The following ADAMTSL1 variants were observed in gnomAD, a reference collection of about 807,000 sequenced individuals.
ADAMTSL1 encodes the protein ADAMTS like 1.
In ADAMTSL1, 126 loss-of-function variants were observed where a neutral mutation model predicts 201.8. The ratio of observed to expected loss-of-function variants is 0.62; its 90% CI spans 0.54 to 0.72. ADAMTSL1 has a LOEUF of 0.72. Ranked by LOEUF, ADAMTSL1 falls within the 30% of genes least tolerant of loss-of-function variation. The pLI, the probability that ADAMTSL1 is intolerant of heterozygous loss-of-function variation, is 0.00. For missense variants in ADAMTSL1, 2,679 were observed against 2,277.8 expected, an observed-to-expected ratio of 1.18 and a Z score of -3.59; for synonymous variants, 1,121 against 903.4, an observed-to-expected ratio of 1.24 and a Z score of -4.32.
intron 2 of ADAMTSL1, among the ~76,000 whole-genome samples, chr9:18,365,793 A>G (rs566406150): frequency 1.8e-4 from 28 of 152,252 alleles, no homozygotes; most frequent in African/African-American, 5.5e-4. Flanking sequence ...GCCACAAAAC[A>G]GGAGGGGAGC....
intron 2 of ADAMTSL1, among the ~76,000 whole-genome samples, chr9:18,385,960 A>G (rs1328731366): frequency 6.6e-6 from 1 of 152,196 alleles, no homozygotes; most frequent in Non-Finnish European, 1.5e-5. Context: ...TCTCTATTCC[A>G]AGCTCAGATG....
chr9:18,435,964 C>T (rs1819713095), intron 2 of ADAMTSL1, among the ~76,000 whole-genome samples: 2 of 152,148 alleles, frequency 1.3e-5, no homozygotes, highest in Non-Finnish European at 1.5e-5. Context: ...GTCATGGAGC[C>T]AAACCATATC....
chr9:18,180,542 A>T (rs868647448), intron 2 of ADAMTSL1, among the ~76,000 whole-genome samples: 3 of 102,968 alleles, frequency 2.9e-5, no homozygotes, highest in Non-Finnish European at 7.5e-5. Flanking sequence ...CAAAAAAAAA[A>T]AAAAAAAAAA....
At chr9:18,511,098 A>G (rs549997185) in intron 2 of ADAMTSL1, among the ~76,000 whole-genome samples, 2 of 152,238 alleles carry the variant, frequency 1.3e-5, no homozygotes, top group South Asian at 4.1e-4. Flanking sequence ...GGCTCAAAGG[A>G]GGAAACTACC....
At chr9:17,981,797 C>A (rs1818711368) in intron 1 of ADAMTSL1, among the ~76,000 whole-genome samples, 1 of 152,178 alleles carries the variant, frequency 6.6e-6, no homozygotes, top group African/African-American at 2.4e-5. Context: ...ACATCTTTCT[C>A]TGTAGCTCCT....
At chr9:18,391,627 C>T (rs929620638) in intron 2 of ADAMTSL1, among the ~76,000 whole-genome samples, 11 of 152,122 alleles carry the variant, frequency 7.2e-5, no homozygotes, top group South Asian at 2.1e-4. Flanking sequence ...GAATGATTCT[C>T]ATGCTGAATA....
chr9:18,389,499 A>T (rs1283034045), intron 2 of ADAMTSL1, among the ~76,000 whole-genome samples: 1 of 152,188 alleles, frequency 6.6e-6, no homozygotes, highest in East Asian at 1.9e-4. Context: ...TATTATTGAA[A>T]TCATTTCATC....
chr9:18,026,062 T>G (rs2131593722), intron 1 of ADAMTSL1, among the ~76,000 whole-genome samples: 1 of 152,116 alleles, frequency 6.6e-6, no homozygotes, highest in South Asian at 2.1e-4. Context: ...GTCACTGGTG[T>G]ATCCTGAAAC....
At chr9:18,169,864 GA>G (rs1438198048) in intron 2 of ADAMTSL1, among the ~76,000 whole-genome samples, 4 of 151,954 alleles carry the variant, frequency 2.6e-5, no homozygotes, top group Non-Finnish European at 5.9e-5. Context: ...ATTGATTTTG[GA>G]AGGGTCAGAT....
intron 3 of ADAMTSL1, among the ~76,000 whole-genome samples, chr9:18,542,772 C>G (rs919554274): frequency 6.6e-6 from 1 of 152,210 alleles, no homozygotes; most frequent in Non-Finnish European, 1.5e-5. Flanking sequence ...CTTTCTTCAA[C>G]TTCCTCCTCT....
intron 1 of ADAMTSL1, among the ~76,000 whole-genome samples, chr9:18,000,694 C>T (rs1325244035): frequency 1.3e-5 from 2 of 152,042 alleles, no homozygotes; most frequent in South Asian, 2.1e-4. Flanking sequence ...GCAATTGAAA[C>T]AGATTTTGGT....
intron 15 of ADAMTSL1, among the ~76,000 whole-genome samples, chr9:18,740,619 G>A (rs1818775643): frequency 6.6e-6 from 1 of 151,810 alleles, no homozygotes; most frequent in South Asian, 2.1e-4. Context: ...TGGGATTACA[G>A]GCACACAACA....
chr9:18,078,472 CAG>C (rs1823328813), intron 1 of ADAMTSL1, among the ~76,000 whole-genome samples: 1 of 152,156 alleles, frequency 6.6e-6, no homozygotes, highest in Admixed American at 6.5e-5. Context: ...TGTTCTTAGT[CAG>C]AGTTTCGCTG....
chr9:18,863,794 C>A (rs1384342649), intron 23 of ADAMTSL1, among the ~76,000 whole-genome samples: 2 of 152,146 alleles, frequency 1.3e-5, no homozygotes, highest in Non-Finnish European at 1.5e-5. Flanking sequence ...ACCCCATGGC[C>A]TTAGAGTGAG....
intron 26 of ADAMTSL1, among the ~76,000 whole-genome samples, chr9:18,897,732 G>A (rs982925331): frequency 1.2e-4 from 19 of 152,172 alleles, no homozygotes; most frequent in African/African-American, 2.4e-4. Context: ...AGGTAGATAA[G>A]CCCACAAAGA....
chr9:18,183,872 A>G (rs551834691), intron 2 of ADAMTSL1, among the ~76,000 whole-genome samples: 1 of 152,308 alleles, frequency 6.6e-6, no homozygotes, highest in East Asian at 1.9e-4. Context: ...TTGAATTTGC[A>G]CTGAGAAATT....
chr9:18,818,639 A>T (rs1824011507), intron 21 of ADAMTSL1, among the ~76,000 whole-genome samples: 1 of 152,084 alleles, frequency 6.6e-6, no homozygotes, highest in African/African-American at 2.4e-5. Context: ...AAAAAAATAC[A>T]AAAATTAGCC....
intron 1 of ADAMTSL1, among the ~76,000 whole-genome samples, chr9:18,497,747 T>C (rs949855549): frequency 3.9e-5 from 6 of 152,350 alleles, no homozygotes; most frequent in African/African-American, 4.8e-5. Flanking sequence ...TCAGCAATTA[T>C]TGATTTTAAT....
chr9:18,651,472 A>T (rs922804335), intron 7 of ADAMTSL1: 6 of 152,268 alleles, frequency 3.9e-5, no homozygotes, highest in African/African-American at 1.2e-4. Flanking sequence ...AAGGTGATCG[A>T]TGAATATCTA....
Sources: gnomAD v4.1 joint callset for allele counts (sites outside exome capture counted in the v4.1 genomes callset) on GRCh38, gnomAD v4.1.1 for gene constraint, MANE v1.5 for transcripts, NCBI Gene and HGNC (gene_info 2026-07-23, HGNC 2026-07-21) for gene names.